The following PJA2 variants were observed in gnomAD, a reference collection of about 807,000 sequenced individuals.
PJA2 encodes the protein E3 ubiquitin-protein ligase Praja-2.
In PJA2, 25 loss-of-function variants were observed where a neutral mutation model predicts 69.3. The observed-to-expected ratio is 0.36, with a 90% confidence interval of 0.26 to 0.50. The LOEUF is 0.50. Among genes scored for constraint, PJA2 ranks in the 20% least tolerant of loss-of-function variants. PJA2 has a pLI of 0.96. For synonymous variants in PJA2, 308 were observed against 277.8 expected (o/e 1.11, Z -1.08); for missense variants, 809 against 830.2 (o/e 0.97, Z 0.31).
At chr5:109,405,949 AGTGT>A (rs1165223754) in intron 1 of PJA2, among the ~76,000 whole-genome samples, 1 of 151,676 alleles carries the variant, frequency 6.6e-6, no homozygotes, top group Non-Finnish European at 1.5e-5. Context: ...TTCAGATTGC[AGTGT>A]GTGTGTGTGT....
At chr5:109,355,809 G>T in intron 7 of PJA2, 106 bp downstream of exon 7, 1 of 716,500 alleles carries the variant, frequency 1.4e-6, no homozygotes, top group East Asian at 2.5e-5. Flanking sequence ...CTAAACTGAT[G>T]GGAAAAAGAT....
At chr5:109,340,397 G>T (rs1762020602) in intron 9 of PJA2, among the ~76,000 whole-genome samples, 1 of 151,602 alleles carries the variant, frequency 6.6e-6, no homozygotes, top group South Asian at 2.1e-4. Context: ...AAAGACGGAA[G>T]GAAGGAAAGG....
chr5:109,348,880 T>C (rs989259367), intron 7 of PJA2, among the ~76,000 whole-genome samples: 4 of 152,350 alleles, frequency 2.6e-5, no homozygotes, highest in Admixed American at 6.5e-5. Flanking sequence ...GCTTGTTTTA[T>C]GTATCTGCTT....
chr5:109,378,965 A>G lies in PJA2; in HGVS notation c.522T>C (p.His174=). ...HTDSYDPDGK[H]GEDNDHLQLS... is the part of the protein sequence containing the mutation. ...GTTGAAGATGGTCATTATCTTCTCC[A>G]TGTTTGCCATCTGGATCATAAGAGT... Residue 174 remains histidine, a synonymous_variant, in exon 4 of 10, where the codon CAT becomes CAC. Transcript: ENST00000361189. 1 of 1,614,166 alleles carries G rather than the reference A, an allele frequency of 6.2e-7. No individual in the cohort carries two copies. The highest frequency in any genetic ancestry group is 8.5e-7 in the Non-Finnish European group (1 of 1,180,018).
Position 109,379,160 on chromosome 5 carries a change from C to T in PJA2, c.327G>A (p.Leu109=), listed in dbSNP as rs778384155. Residue 109 remains leucine, a synonymous_variant, in exon 4 of 10, where the codon TTG becomes TTA. Coordinates refer to ENST00000361189, the MANE Select transcript of PJA2 (RefSeq NM_014819.5). ...ETEIPTCGSA[L]NQTTESSQSF... Reference sequence around the variant, plus strand: ...ATTGACTGCTCTCAGTGGTTTGATTCAATGCTGAACCACAAGTGGGAATTT... The same window carrying T: ...ATTGACTGCTCTCAGTGGTTTGATTTAATGCTGAACCACAAGTGGGAATTT... 1.2e-6 allele frequency: 2 copies of T among 1,614,052 alleles called. No individual in the cohort carries two copies. Among genetic ancestry groups the T allele is most frequent in the South Asian group, 2.2e-5 (2 of 91,068 alleles).
intron 1 of PJA2, among the ~76,000 whole-genome samples, chr5:109,388,333 G>A (rs1202654248): frequency 6.6e-6 from 1 of 152,138 alleles, no homozygotes; most frequent in Non-Finnish European, 1.5e-5. Context: ...TTACCCTTCA[G>A]ATGACTGCAG....
At chr5:109,344,950 G>T in intron 7 of PJA2, 131 bp from the exon 8 acceptor site, 1 of 541,558 alleles carries the variant, frequency 1.8e-6, no homozygotes, top group Non-Finnish European at 3.3e-6. Flanking sequence ...TTAGTCCTTT[G>T]CTCCTTTTGC....
intron 4 of PJA2, 132 bp from the exon 5 acceptor site, chr5:109,368,878 G>A (rs1762627534): frequency 1.1e-6 from 1 of 895,436 alleles, no homozygotes; most frequent in Admixed American, 2.9e-5. Context: ...CCAAAATGTT[G>A]GAGATGGGGC....
chr5:109,382,016 A>T (rs1179790879), intron 2 of PJA2, among the ~76,000 whole-genome samples: 1 of 152,118 alleles, frequency 6.6e-6, no homozygotes, highest in Non-Finnish European at 1.5e-5. Context: ...AAATTATTAT[A>T]CTGCCAAAGC....
At chr5:109,366,731 G>C (rs1762590091) in intron 5 of PJA2, among the ~76,000 whole-genome samples, 1 of 152,180 alleles carries the variant, frequency 6.6e-6, no homozygotes, top group South Asian at 2.1e-4. Context: ...CTGGCACAAA[G>C]TAAATGCTCA....
At chr5:109,349,740 A>C (rs1762218987) in intron 7 of PJA2, among the ~76,000 whole-genome samples, 2 of 152,178 alleles carry the variant, frequency 1.3e-5, no homozygotes, top group Admixed American at 6.5e-5. Flanking sequence ...GCTTTGCCAG[A>C]CAGGTGGTGG....
chr5:109,397,841 A>C (rs779725390), intron 1 of PJA2, among the ~76,000 whole-genome samples: 29 of 152,070 alleles, frequency 1.9e-4, no homozygotes, highest in Non-Finnish European at 3.8e-4. Context: ...ACTTTAAACC[A>C]CTAGGGAAGG....
At chr5:109,386,505 A>G (rs147296900) in intron 1 of PJA2, among the ~76,000 whole-genome samples, 1 of 152,012 alleles carries the variant, frequency 6.6e-6, no homozygotes, top group East Asian at 1.9e-4. Flanking sequence ...TCTTAAAGAT[A>G]CTCTTCGGAG....
At chr5:109,361,083 A>C (rs912928848) in intron 6 of PJA2, among the ~76,000 whole-genome samples, 2 of 151,926 alleles carry the variant, frequency 1.3e-5, no homozygotes, top group African/African-American at 4.8e-5. Flanking sequence ...AGCCGAGATC[A>C]CACCACTGCA....
At chr5:109,382,276 A>C (rs1476758152) in intron 2 of PJA2, among the ~76,000 whole-genome samples, 2 of 152,198 alleles carry the variant, frequency 1.3e-5, no homozygotes, top group African/African-American at 4.8e-5. Flanking sequence ...AGAAAACAGC[A>C]ATGAGCCAGG....
Position 109,337,303 on chromosome 5 carries a change from T to C in PJA2, c.2055A>G (p.Ala685=), listed in dbSNP as rs771466495. ...RRHFPPAVIE[A]SAAPSSEPDP... ...CAGGCTCAGAGGAAGGAGCTGCAGA[T>C]GCTTCAATAACCGCAGGTGGGAAAT... The change falls in exon 10 of 10, where the codon GCA becomes GCG. Residue 685 remains alanine (A), a synonymous_variant. Transcript: ENST00000361189. 1.2e-6 allele frequency: 2 copies of C among 1,613,436 alleles called. No individual in the cohort carries two copies. Among genetic ancestry groups the C allele is most frequent in the Non-Finnish European group, 8.5e-7 (1 of 1,179,794 alleles).
intron 6 of PJA2, among the ~76,000 whole-genome samples, chr5:109,360,283 G>A (rs980282055): frequency 2.6e-5 from 4 of 152,124 alleles, no homozygotes; most frequent in Non-Finnish European, 5.9e-5. Context: ...TGTCTAAAAC[G>A]ATGATCTCTC....
At chr5:109,383,596 T>C in intron 1 of PJA2, 76 bp from the exon 2 acceptor site, 1 of 531,978 alleles carries the variant, frequency 1.9e-6, no homozygotes, top group Non-Finnish European at 3.3e-6. Context: ...CTGCTCCTCC[T>C]AGTGAAGTCT....
At chr5:109,399,756 A>C (rs1373199543) in intron 1 of PJA2, among the ~76,000 whole-genome samples, 1 of 152,206 alleles carries the variant, frequency 6.6e-6, no homozygotes, top group African/African-American at 2.4e-5. Flanking sequence ...CTCTTTATCA[A>C]GAGACAACAA....
Sources: allele counts gnomAD v4.1 joint callset (sites outside exome capture counted in the v4.1 genomes callset), GRCh38; gene constraint gnomAD v4.1.1; transcripts MANE v1.5; gene names NCBI Gene and HGNC (gene_info 2026-07-23, HGNC 2026-07-21).